Variants in SLC12A6 observed in about 807,000 individuals in gnomAD.
The protein encoded by SLC12A6 is solute carrier family 12 member 6.
A neutral mutation model predicts 135.3 loss-of-function variants in SLC12A6; 66 were observed. That is an observed-to-expected ratio of 0.49 (90% CI 0.40 to 0.60). The LOEUF is 0.60. SLC12A6 is among the 20% of genes least tolerant of loss of function. The pLI, the probability that SLC12A6 is intolerant of heterozygous loss-of-function variation, is 0.00. For missense variants in SLC12A6, 1,058 were observed against 1,452.3 expected, an observed-to-expected ratio of 0.73 and a Z score of 4.41; for synonymous variants, 513 against 508.8, an observed-to-expected ratio of 1.01 and a Z score of -0.11.
intron 2 of SLC12A6, among the ~76,000 whole-genome samples, chr15:34,309,138 A>G (rs952236709): frequency 2.6e-5 from 4 of 152,138 alleles, no homozygotes; most frequent in Non-Finnish European, 5.9e-5. Context: ...CAACAATGGT[A>G]GTTGGTATTT....
Position 34,292,780 on chromosome 15 carries a change from A to G in SLC12A6, c.272-17391T>C, listed in dbSNP as rs372226042. 3.9e-4 allele frequency among the ~76,000 whole-genome samples: 59 copies of G among 152,294 alleles called. 3 individuals are homozygous for G. The South Asian group carries it at 0.012, about 30-fold the overall frequency. On this transcript the variant is annotated intron_variant, in intron 2 of 25. Coordinates refer to ENST00000354181, the MANE Select transcript of SLC12A6 (RefSeq NM_001365088.1). ...CAGGTCAATCTCAGACTGCTGTGCT[A>G]GCAGCTAGCAAGGCTCCGTGGGTGT...
chr15:34,255,239 A>G (rs1387779811), intron 8 of SLC12A6, 23 bp downstream of exon 8: 1 of 1,542,012 alleles, frequency 6.5e-7, no homozygotes, highest in Admixed American at 1.7e-5. Context: ...TATATTATAG[A>G]CCACAATGAA....
chr15:34,241,008 C>T (rs1403323623), intron 18 of SLC12A6, 179 bp from the exon 19 acceptor site: 4 of 665,668 alleles, frequency 6.0e-6, no homozygotes, highest in Non-Finnish European at 1.1e-5. Context: ...CCAGTACTAT[C>T]TCAAGTTGAT....
In SLC12A6 at chr15:34,236,167, T is replaced by G. The variant is rs758095344; in HGVS notation, c.3075A>C (p.Leu1025=). 108 of 1,613,712 alleles carry G rather than the reference T, an allele frequency of 6.7e-5. 1 individual carries two copies. The highest frequency in any genetic ancestry group is 8.5e-5 in the Non-Finnish European group (100 of 1,179,692). Residue 1025 remains leucine (L), a synonymous_variant, in exon 24 of 26, where the codon CTA becomes CTC. Transcript: ENST00000354181. ...AQLVKDRNSM[L]RLTSIGSDED... ...CATCAGAGCCAATGCTGGTCAATCG[T>G]AGCATTGAGTTTCGGTCTTTCACCA...
At chr15:34,247,602 T>C (rs1424248060) in intron 13 of SLC12A6, among the ~76,000 whole-genome samples, 1 of 152,068 alleles carries the variant, frequency 6.6e-6, no homozygotes, top group Non-Finnish European at 1.5e-5. Context: ...CTGTAGGTGT[T>C]GACCTACTAC....
At chr15:34,297,278 T>C (rs929180646) in intron 2 of SLC12A6, among the ~76,000 whole-genome samples, 1 of 152,186 alleles carries the variant, frequency 6.6e-6, no homozygotes, top group Admixed American at 6.5e-5. Flanking sequence ...TGGTATTTCA[T>C]TTAGTGACAA....
At chr15:34,320,330 G>C (rs889950493) in intron 2 of SLC12A6, among the ~76,000 whole-genome samples, 1 of 152,196 alleles carries the variant, frequency 6.6e-6, no homozygotes, top group Non-Finnish European at 1.5e-5. Context: ...ATGAAATCAT[G>C]TCATTTGCGG....
intron 4 of SLC12A6, among the ~76,000 whole-genome samples, chr15:34,260,479 C>T (rs1040828640): frequency 3.9e-5 from 6 of 152,138 alleles, no homozygotes; most frequent in Non-Finnish European, 8.8e-5. Flanking sequence ...AGGATGGTCT[C>T]GATCTCCTAA....
In SLC12A6 at chr15:34,250,314, C is replaced by A; in HGVS notation, c.1633G>T (p.Val545Phe). 1.3e-6 allele frequency: 2 copies of A among 1,578,096 alleles called. No individual in the cohort carries two copies. The highest frequency in any genetic ancestry group is 8.7e-7 in the Non-Finnish European group (1 of 1,147,104). ...ATTACTCACTTGTCTCTGAGAACAA[C>A]CCCTTCAATACATGCACCAAAAAGG... ...VVLFGACIEGVVLRDKFGDAV... is the reference protein window; with the variant it reads ...VVLFGACIEGFVLRDKFGDAV... The change falls in exon 13 of 26, where the codon GTT (valine) becomes TTT (phenylalanine). Residue 545 changes from valine to phenylalanine, a missense_variant. By Grantham distance (50) the Val-to-Phe change is conservative. Coordinates refer to ENST00000354181, the MANE Select transcript of SLC12A6 (RefSeq NM_001365088.1).
chr15:34,250,744 G>C lies in SLC12A6; in HGVS notation c.1493-15C>G, dbSNP rs773292131. The C allele has an allele frequency of 4.6e-6, 7 of 1,514,838 alleles. No homozygotes were observed. The highest frequency in any genetic ancestry group is 1.4e-5 in the African/African-American group (1 of 72,912). 93.8% of individuals were successfully genotyped at this position (1,514,838 alleles called of 1,614,324 possible). A position where few individuals can be genotyped will look rare whatever the true frequency, so the allele number is the denominator to read the frequency against. The stretch of plus-strand genomic sequence containing the variant: ...AGCCATGATACCTTTAGAGATAAGG[G>C]GGAAAAAACCAAGTTAACTTCTTGG... On this transcript the variant is annotated splice_polypyrimidine_tract_variant and intron_variant, in intron 11 of 25. Coordinates refer to ENST00000354181, the MANE Select transcript of SLC12A6 (RefSeq NM_001365088.1).
In SLC12A6 at chr15:34,291,405, G is replaced by A. The variant is rs990209781; in HGVS notation, c.272-16016C>T. On this transcript the variant is annotated intron_variant, in intron 2 of 25. Coordinates refer to ENST00000354181, the MANE Select transcript of SLC12A6 (RefSeq NM_001365088.1). ...GGTAACCTGACCTTTCTCTCTGGCT[G>A]TGCTTAACATTTTTCCCTTCATTTC... is the stretch of plus-strand genomic sequence containing the variant. Among the ~76,000 whole-genome samples, 4 of 152,142 alleles carry A rather than the reference G, an allele frequency of 2.6e-5. No individual in the cohort carries two copies. In the South Asian group the frequency reaches 8.3e-4, roughly 32 times the overall value.
intron 22 of SLC12A6, 101 bp downstream of exon 22, chr15:34,237,318 C>T: frequency 9.6e-7 from 1 of 1,045,582 alleles, no homozygotes; most frequent in Non-Finnish European, 1.4e-6. Context: ...GATTAATCCA[C>T]ATTTAGATCT....
At chr15:34,326,964 T>C (rs1011327597) in intron 2 of SLC12A6, among the ~76,000 whole-genome samples, 3 of 151,204 alleles carry the variant, frequency 2.0e-5, no homozygotes, top group Non-Finnish European at 4.4e-5. Flanking sequence ...CAACTATTAT[T>C]AGCATACCAG....
chr15:34,235,529 G>A (rs1368263644), intron 24 of SLC12A6, among the ~76,000 whole-genome samples: 2 of 147,506 alleles, frequency 1.4e-5, no homozygotes, highest in Non-Finnish European at 3.0e-5. Context: ...CCGCCTCCCA[G>A]GTTCAAGTGA....
intron 3 of SLC12A6, among the ~76,000 whole-genome samples, chr15:34,270,050 A>G (rs888521812): frequency 6.7e-6 from 1 of 149,062 alleles, no homozygotes; most frequent in African/African-American, 2.6e-5. Flanking sequence ...AGTTAAAAAC[A>G]GGACGAATAA....
chr15:34,328,205 T>C (rs1357253973), intron 2 of SLC12A6, among the ~76,000 whole-genome samples: 6 of 152,210 alleles, frequency 3.9e-5, no homozygotes, highest in East Asian at 1.9e-4. Flanking sequence ...CTACAAAAAC[T>C]GAAATTTTAA....
At position 34,336,609 on chromosome 15, in the gene SLC12A6, G is replaced by A. The variant is rs754046437; in HGVS notation, c.72C>T (p.Asp24=). The A allele has an allele frequency of 3.7e-6, 6 of 1,613,294 alleles. No individual in the cohort carries two copies. Among genetic ancestry groups the A allele is most frequent in the East Asian group, 4.5e-5 (2 of 44,882 alleles). The change falls in exon 2 of 26, where the codon GAC becomes GAT. Residue 24 remains aspartate, a synonymous_variant. Coordinates refer to ENST00000354181, the MANE Select transcript of SLC12A6 (RefSeq NM_001365088.1). ...RFMVTPTKID[D]IPGLSDTSPD... The stretch of plus-strand genomic sequence containing the variant: ...GACTGGTGTCTGACAAACCTGGAAT[G>A]TCATCGATCTTTGTCGGTGTCACCA...
intron 2 of SLC12A6, among the ~76,000 whole-genome samples, chr15:34,300,036 G>T (rs938556239): frequency 1.3e-5 from 2 of 152,110 alleles, no homozygotes; most frequent in African/African-American, 4.8e-5. Context: ...AGCAAAAATC[G>T]GCGAGAAAGA....
intron 3 of SLC12A6, among the ~76,000 whole-genome samples, chr15:34,271,963 TTC>T (rs1893987455): frequency 6.6e-6 from 1 of 151,990 alleles, no homozygotes; most frequent in Non-Finnish European, 1.5e-5. Context: ...TTCTTTTTTT[TTC>T]TTTTTCTTTT....
Sources: allele counts gnomAD v4.1 joint callset (sites outside exome capture counted in the v4.1 genomes callset), GRCh38; gene constraint gnomAD v4.1.1; transcripts MANE v1.5; gene names NCBI Gene and HGNC (gene_info 2026-07-23, HGNC 2026-07-21).